The following TENM1 variants were observed in gnomAD, a reference collection of about 807,000 sequenced individuals.
The protein encoded by TENM1 is teneurin-1.
A neutral mutation model predicts 174.8 loss-of-function variants in TENM1; 35 were observed. That is an observed-to-expected ratio of 0.20 (90% CI 0.15 to 0.27). The LOEUF is 0.27. Ranked by LOEUF, TENM1 falls within the 10% of genes least tolerant of loss-of-function variation. TENM1 has a pLI of 1.00. For synonymous variants in TENM1, 781 were observed against 798.7 expected (o/e 0.98, Z 0.37); for missense variants, 1,633 against 2,130.1 (o/e 0.77, Z 4.59).
the TENM1 span, among the ~76,000 whole-genome samples, chrX:125,028,521 G>A: frequency 9.0e-6 from 1 of 111,203 alleles, no homozygotes. Context: ...CATACACTGG[G>A]GCCTATCAGA....
chrX:124,760,721 T>A (rs1024316631), intron 3 of TENM1, among the ~76,000 whole-genome samples: 1 of 111,732 alleles, frequency 8.9e-6, no homozygotes, highest in Non-Finnish European at 1.9e-5. Context: ...AAAGAGCATC[T>A]GCACAGCAAA....
chrX:124,623,831 G>A (rs1239147914), intron 11 of TENM1, among the ~76,000 whole-genome samples: 2 of 111,692 alleles, frequency 1.8e-5, no homozygotes, highest in African/African-American at 6.5e-5. Flanking sequence ...GATACTTTGG[G>A]ATTAATATTT....
the TENM1 span, among the ~76,000 whole-genome samples, chrX:125,116,525 T>C: frequency 8.9e-6 from 1 of 111,932 alleles, no homozygotes; most frequent in African/African-American, 3.2e-5. Context: ...TACAAGGAAC[T>C]TAAATTTACA....
chrX:125,182,315 G>C, the TENM1 span, among the ~76,000 whole-genome samples: 1 of 109,528 alleles, frequency 9.1e-6, no homozygotes, highest in Non-Finnish European at 1.9e-5. Flanking sequence ...GAGATAACCA[G>C]GATAATCTCC....
intron 1 of TENM1, among the ~76,000 whole-genome samples, chrX:124,931,779 A>T (rs1229599620): frequency 1.8e-5 from 2 of 110,521 alleles, no homozygotes; most frequent in Non-Finnish European, 3.8e-5. Context: ...TTAAAATGTG[A>T]CTTAAAGGTG....
chrX:124,841,043 T>C (rs1334480132), intron 3 of TENM1, among the ~76,000 whole-genome samples: 1 of 111,813 alleles, frequency 8.9e-6, no homozygotes, highest in Non-Finnish European at 1.9e-5. Context: ...ATAGTTGCCA[T>C]GGAAAAGATA....
At chrX:125,064,016 T>G in the TENM1 span, among the ~76,000 whole-genome samples, 2 of 110,922 alleles carry the variant, frequency 1.8e-5, no homozygotes, top group African/African-American at 6.6e-5. Flanking sequence ...TGTAGGGGCA[T>G]GGATGAAGCT....
chrX:124,534,895 G>A (rs1161581492), intron 15 of TENM1, among the ~76,000 whole-genome samples: 1 of 111,889 alleles, frequency 8.9e-6, no homozygotes, highest in Non-Finnish European at 1.9e-5. Flanking sequence ...AGGTGTGACT[G>A]GAGGATTCCC....
chrX:124,939,888 G>A (rs1308203350), intron 1 of TENM1, among the ~76,000 whole-genome samples: 1 of 112,003 alleles, frequency 8.9e-6, no homozygotes, highest in African/African-American at 3.2e-5. Context: ...GTTACTCTTT[G>A]TTATAATCCT....
chrX:124,640,507 T>C (rs1305652259), intron 11 of TENM1, among the ~76,000 whole-genome samples: 2 of 112,009 alleles, frequency 1.8e-5, no homozygotes, highest in East Asian at 5.6e-4. Flanking sequence ...TACCACTTAT[T>C]AATTATACTT....
At chrX:124,460,217 C>T (rs1322377971) in intron 22 of TENM1, among the ~76,000 whole-genome samples, 3 of 111,606 alleles carry the variant, frequency 2.7e-5, no homozygotes, top group Non-Finnish European at 5.7e-5. Context: ...ACCCAGCAGT[C>T]CCCTTACTGG....
At chrX:124,995,331 T>C in the TENM1 span, among the ~76,000 whole-genome samples, 1 of 111,557 alleles carries the variant, frequency 9.0e-6, no homozygotes, top group Non-Finnish European at 1.9e-5. Flanking sequence ...AGTTCCATCA[T>C]GGCAGGAATC....
At chrX:125,117,747 GA>G in the TENM1 span, among the ~76,000 whole-genome samples, 21 of 111,462 alleles carry the variant, frequency 1.9e-4, no homozygotes, top group East Asian at 6.0e-3. Context: ...AGGATTCAGA[GA>G]AAAGGGAATG....
At chrX:124,808,546 C>A (rs1216653363) in intron 3 of TENM1, among the ~76,000 whole-genome samples, 2 of 112,160 alleles carry the variant, frequency 1.8e-5, no homozygotes, top group Non-Finnish European at 3.8e-5. Context: ...CTCAACTTCA[C>A]ATGGAACATT....
At chrX:125,179,860 T>C in the TENM1 span, among the ~76,000 whole-genome samples, 1 of 107,173 alleles carries the variant, frequency 9.3e-6, no homozygotes, top group African/African-American at 3.4e-5. Flanking sequence ...TGTCTCTTCA[T>C]TGCTATCACC....
chrX:125,082,394 C>T, the TENM1 span, among the ~76,000 whole-genome samples: 1 of 110,830 alleles, frequency 9.0e-6, no homozygotes, highest in Non-Finnish European at 1.9e-5. Context: ...AACAGTATTC[C>T]ATCATACTTA....
At chrX:124,704,097 A>G (rs1029390301) in intron 5 of TENM1, among the ~76,000 whole-genome samples, 5 of 112,435 alleles carry the variant, frequency 4.4e-5, no homozygotes, top group Admixed American at 9.4e-5. Flanking sequence ...TACTTAAAGA[A>G]AGTCTAAGTC....
intron 1 of TENM1, among the ~76,000 whole-genome samples, chrX:124,938,522 G>A (rs2058278723): frequency 8.9e-6 from 1 of 112,258 alleles, no homozygotes. Context: ...CACAGTAAAT[G>A]ATTTGCCTCT....
chrX:124,865,773 C>T (rs2056990250), intron 3 of TENM1, among the ~76,000 whole-genome samples: 1 of 111,269 alleles, frequency 9.0e-6, no homozygotes, highest in South Asian at 3.7e-4. Context: ...AAACACCTCA[C>T]CTGTAAAGCA....
Sources: gnomAD v4.1 joint callset for allele counts (sites outside exome capture counted in the v4.1 genomes callset) on GRCh38, gnomAD v4.1.1 for gene constraint, MANE v1.5 for transcripts, NCBI Gene and HGNC (gene_info 2026-07-23, HGNC 2026-07-21) for gene names.